The following SLC35F3 variants were observed in gnomAD, a reference collection of about 807,000 sequenced individuals.
SLC35F3 encodes the protein putative thiamine transporter SLC35F3.
A neutral mutation model predicts 49.9 loss-of-function variants in SLC35F3; 25 were observed. The observed-to-expected ratio is 0.50, with a 90% CI of 0.37 to 0.70. The LOEUF is 0.70. SLC35F3 is among the 30% of genes least tolerant of loss of function. The pLI is 0.00. For synonymous variants in SLC35F3, 275 were observed against 265.4 expected, an observed-to-expected ratio of 1.04 and a Z score of -0.35; for missense variants, 525 against 639.8, an observed-to-expected ratio of 0.82 and a Z score of 1.94.
intron 2 of SLC35F3, among the ~76,000 whole-genome samples, chr1:234,230,619 C>A (rs955211124): frequency 6.6e-6 from 1 of 152,214 alleles, no homozygotes; most frequent in East Asian, 1.9e-4. Flanking sequence ...CGCCTTTTCA[C>A]CTTCCTCTGG....
chr1:234,200,771 G>C (rs141920041), intron 2 of SLC35F3, among the ~76,000 whole-genome samples: 1 of 152,142 alleles, frequency 6.6e-6, no homozygotes, highest in Admixed American at 6.5e-5. Flanking sequence ...TGAAATGCAG[G>C]CAGGTCCCAT....
At chr1:234,053,773 C>T (rs1664413446) in intron 2 of SLC35F3, among the ~76,000 whole-genome samples, 1 of 152,148 alleles carries the variant, frequency 6.6e-6, no homozygotes, top group African/African-American at 2.4e-5. Context: ...TTTGCAGTGG[C>T]TGGTACCATT....
At chr1:233,999,753 G>A (rs543851185) in intron 2 of SLC35F3, among the ~76,000 whole-genome samples, 3 of 152,182 alleles carry the variant, frequency 2.0e-5, no homozygotes, top group South Asian at 2.1e-4. Context: ...TTTTCTGTTT[G>A]TGCTACCTTA....
intron 2 of SLC35F3, among the ~76,000 whole-genome samples, chr1:233,917,907 C>T (rs772240970): frequency 6.6e-6 from 1 of 152,188 alleles, no homozygotes. Flanking sequence ...TACATAATGT[C>T]GACAACAGTA....
At chr1:234,154,411 C>T (rs980937154) in intron 2 of SLC35F3, among the ~76,000 whole-genome samples, 2 of 152,198 alleles carry the variant, frequency 1.3e-5, no homozygotes, top group African/African-American at 4.8e-5. Context: ...TATTGGCATA[C>T]AAATATTTCT....
In SLC35F3 at chr1:234,123,213, T is replaced by C. The variant is rs1013301993; in HGVS notation, c.284-108204T>C. Among the ~76,000 whole-genome samples, 8 of 152,244 alleles carry C rather than the reference T, an allele frequency of 5.3e-5. 1 individual carries two copies. The highest frequency in any genetic ancestry group is 3.9e-4 in the Admixed American group (6 of 15,290). On this transcript the variant is annotated intron_variant, in intron 2 of 7. Coordinates refer to ENST00000366618, the MANE Select transcript of SLC35F3 (RefSeq NM_173508.4). The stretch of plus-strand genomic sequence containing the variant: ...GTGGTTTGGATTTGCATTTCTCTAA[T>C]GATCAGTGATGATGAGCTTTTTTTC...
chr1:234,061,968 A>T (rs539580389), intron 2 of SLC35F3, among the ~76,000 whole-genome samples: 2 of 152,254 alleles, frequency 1.3e-5, no homozygotes, highest in South Asian at 4.1e-4. Context: ...TCACTCTCAC[A>T]GTCAGTTTCT....
At chr1:234,201,079 A>C (rs1666894247) in intron 2 of SLC35F3, among the ~76,000 whole-genome samples, 1 of 152,206 alleles carries the variant, frequency 6.6e-6, no homozygotes, top group African/African-American at 2.4e-5. Context: ...CATAACCCAC[A>C]GTCCACTAGC....
intron 2 of SLC35F3, among the ~76,000 whole-genome samples, chr1:233,978,479 C>T (rs1321459867): frequency 6.6e-6 from 1 of 152,148 alleles, no homozygotes; most frequent in Non-Finnish European, 1.5e-5. Flanking sequence ...CTAAAGCCAC[C>T]CCATATTACA....
At chr1:234,233,580 A>G (rs1667417700) in intron 3 of SLC35F3, among the ~76,000 whole-genome samples, 4 of 152,250 alleles carry the variant, frequency 2.6e-5, no homozygotes, top group Admixed American at 1.3e-4. Flanking sequence ...ATCAAGATCA[A>G]GTGGTGCTTA....
At chr1:234,318,619 T>G in intron 5 of SLC35F3, 132 bp from the exon 6 acceptor site, 1 of 739,682 alleles carries the variant, frequency 1.4e-6, no homozygotes, top group Non-Finnish European at 2.2e-6. Flanking sequence ...CCAAACCCCA[T>G]GGAATTCACC....
intron 2 of SLC35F3, among the ~76,000 whole-genome samples, chr1:233,911,529 G>T (rs2102782336): frequency 6.6e-6 from 1 of 152,236 alleles, no homozygotes; most frequent in Middle Eastern, 3.4e-3. Context: ...TCTGAGTTTT[G>T]ATGTAATGAA....
chr1:234,091,080 A>G (rs938232156), intron 2 of SLC35F3, among the ~76,000 whole-genome samples: 2 of 152,354 alleles, frequency 1.3e-5, no homozygotes, highest in South Asian at 4.1e-4. Flanking sequence ...TAATACATGA[A>G]CATGTTTGCA....
At chr1:234,139,992 A>G (rs565087758) in intron 2 of SLC35F3, among the ~76,000 whole-genome samples, 25 of 141,866 alleles carry the variant, frequency 1.8e-4, no homozygotes, top group Non-Finnish European at 2.5e-4. Context: ...AATAAAATAA[A>G]ATAAAATAAA....
At chr1:234,149,164 A>C in intron 2 of SLC35F3, among the ~76,000 whole-genome samples, 1 of 152,330 alleles carries the variant, frequency 6.6e-6, no homozygotes, top group South Asian at 2.1e-4. Context: ...GGGAGAACCA[A>C]GTCCTGACAC....
At chr1:234,248,663 T>C (rs570994749) in intron 3 of SLC35F3, among the ~76,000 whole-genome samples, 2 of 152,230 alleles carry the variant, frequency 1.3e-5, no homozygotes, top group Non-Finnish European at 2.9e-5. Flanking sequence ...AGAGGAGCTG[T>C]TCTGGCTATA....
At chr1:233,928,077 C>G (rs1662188141) in intron 2 of SLC35F3, among the ~76,000 whole-genome samples, 1 of 152,020 alleles carries the variant, frequency 6.6e-6, no homozygotes, top group Admixed American at 6.6e-5. Flanking sequence ...CTGATAAACC[C>G]TTCCAACTTC....
intron 2 of SLC35F3, among the ~76,000 whole-genome samples, chr1:234,170,203 G>A (rs973520019): frequency 1.3e-5 from 2 of 152,164 alleles, no homozygotes; most frequent in African/African-American, 4.8e-5. Flanking sequence ...TGTGCTGGGG[G>A]CTATTCCATG....
At chr1:234,060,643 G>A (rs928458377) in intron 2 of SLC35F3, among the ~76,000 whole-genome samples, 3 of 152,042 alleles carry the variant, frequency 2.0e-5, no homozygotes, top group Admixed American at 2.0e-4. Context: ...GTAGAGACCG[G>A]GTTTTACCAT....
Sources: gnomAD v4.1 joint callset for allele counts (sites outside exome capture counted in the v4.1 genomes callset) on GRCh38, gnomAD v4.1.1 for gene constraint, MANE v1.5 for transcripts, NCBI Gene and HGNC (gene_info 2026-07-23, HGNC 2026-07-21) for gene names.